Variants in FMN1 observed in about 807,000 individuals in gnomAD.
The protein encoded by FMN1 is formin-1.
In FMN1, 110 loss-of-function variants were observed where a neutral mutation model predicts 132.4. The ratio of observed to expected loss-of-function variants is 0.83; its 90% CI spans 0.71 to 0.97. The LOEUF (loss-of-function observed/expected upper bound fraction) is 0.97, where lower values mean the gene tolerates loss of function less well. FMN1 is among the 50% of genes least tolerant of loss of function. FMN1 has a pLI of 0.00. For synonymous variants in FMN1, 722 were observed against 651.7 expected (o/e 1.11, Z -1.64); for missense variants, 1,792 against 1,705.3 (o/e 1.05, Z -0.90).
intron 3 of FMN1, among the ~76,000 whole-genome samples, chr15:33,175,824 G>T (rs1435981419): frequency 1.3e-5 from 2 of 152,060 alleles, no homozygotes; most frequent in Admixed American, 1.3e-4. Flanking sequence ...TCAAATAAAG[G>T]GTTCTGCCCC....
At position 32,894,041 on chromosome 15, in the gene FMN1, A is replaced by G. The variant is rs148796028; in HGVS notation, c.3714+4793T>C. 9.2e-5 allele frequency among the ~76,000 whole-genome samples: 14 copies of G among 152,344 alleles called. No individual in the cohort carries two copies. In the East Asian group the frequency reaches 1.9e-3, roughly 21 times the overall value. On this transcript the variant is annotated intron_variant, in intron 15 of 20. Coordinates refer to ENST00000616417, the MANE Select transcript of FMN1 (RefSeq NM_001277313.2). Reference sequence around the variant, plus strand: ...CCGCTGCTGCTTCTTAATTTCCTGAAGCTAAACATGCCTTCCTCACTCCAC... The same window carrying G: ...CCGCTGCTGCTTCTTAATTTCCTGAGGCTAAACATGCCTTCCTCACTCCAC...
intron 4 of FMN1, chr15:33,105,806 A>C (rs190143276): frequency 7.3e-6 from 1 of 137,268 alleles, no homozygotes; most frequent in Non-Finnish European, 1.6e-5. Context: ...TTGTAATAGG[A>C]CAAGAAAAAA....
Position 32,772,420 on chromosome 15 carries a change from C to G in FMN1, c.*1890G>C, listed in dbSNP as rs2056278172. The G allele has an allele frequency of 6.6e-6, 1 of 152,198 alleles. No individual in the cohort carries two copies. The highest frequency in any genetic ancestry group is 2.4e-5 in the African/African-American group (1 of 41,438). 9.4% of individuals were successfully genotyped at this position (152,198 alleles called of 1,614,324 possible). ...GGCACTTTTCTTGTGCATGATAACA[C>G]TAGAAGGAGCATACAATGGTTATAA... On this transcript the variant is annotated 3_prime_UTR_variant, in exon 21 of 21. Coordinates refer to ENST00000616417, the MANE Select transcript of FMN1 (RefSeq NM_001277313.2).
intron 17 of FMN1, among the ~76,000 whole-genome samples, chr15:32,804,786 T>C (rs1275531179): frequency 6.6e-6 from 1 of 151,984 alleles, no homozygotes; most frequent in East Asian, 1.9e-4. Flanking sequence ...TTGTGATAGT[T>C]TGCTGAGAAT....
At chr15:33,071,310 T>C (rs2037990441) in intron 5 of FMN1, among the ~76,000 whole-genome samples, 1 of 152,188 alleles carries the variant, frequency 6.6e-6, no homozygotes, top group African/African-American at 2.4e-5. Flanking sequence ...AGCTGGCCTA[T>C]CTATCTAACA....
chr15:33,095,866 T>C (rs1413750967), intron 4 of FMN1, among the ~76,000 whole-genome samples: 2 of 151,904 alleles, frequency 1.3e-5, no homozygotes, highest in Admixed American at 6.6e-5. Context: ...GGAAGTAAAG[T>C]AGAGAAAAAA....
intron 4 of FMN1, among the ~76,000 whole-genome samples, chr15:33,106,572 C>T (rs1004161686): frequency 6.6e-6 from 1 of 152,068 alleles, no homozygotes; most frequent in African/African-American, 2.4e-5. Context: ...AGAAAACACT[C>T]TTTCCATCCA....
chr15:32,895,784 G>T (rs1235477386), intron 15 of FMN1, among the ~76,000 whole-genome samples: 1 of 151,660 alleles, frequency 6.6e-6, no homozygotes, highest in African/African-American at 2.4e-5. Flanking sequence ...CTATTATGTT[G>T]TAAACATTTT....
chr15:33,073,145 A>G (rs2038064257), intron 5 of FMN1, among the ~76,000 whole-genome samples: 2 of 152,122 alleles, frequency 1.3e-5, no homozygotes, highest in Non-Finnish European at 2.9e-5. Flanking sequence ...TCTTTGTAGC[A>G]CTTCTCGCTA....
chr15:32,994,445 C>T (rs1055748587), intron 7 of FMN1, among the ~76,000 whole-genome samples: 1 of 152,168 alleles, frequency 6.6e-6, no homozygotes, highest in African/African-American at 2.4e-5. Context: ...ACTCTTCAAA[C>T]CTCTGCTTAA....
At chr15:32,926,444 A>G (rs1169978415) in intron 9 of FMN1, among the ~76,000 whole-genome samples, 183 bp from the exon 10 acceptor site, 2 of 152,230 alleles carry the variant, frequency 1.3e-5, no homozygotes, top group African/African-American at 4.8e-5. Context: ...GACATCTTAC[A>G]CAATGACAGA....
chr15:32,789,464 C>T (rs1291546194), intron 19 of FMN1, among the ~76,000 whole-genome samples: 1 of 152,106 alleles, frequency 6.6e-6, no homozygotes, highest in African/African-American at 2.4e-5. Context: ...AAAGTAGAGT[C>T]ACACACTGCA....
chr15:32,787,048 C>G (rs549337313), intron 19 of FMN1, among the ~76,000 whole-genome samples: 1 of 152,226 alleles, frequency 6.6e-6, no homozygotes, highest in Non-Finnish European at 1.5e-5. Flanking sequence ...ATCTTGACAA[C>G]AGTCACTCAC....
chr15:32,964,258 C>A lies in FMN1; in HGVS notation c.2988-1G>T. ...CCATAAGGTTGGTGTAGCATTTTGG[C>A]TTAAAAGAGAAAATGACAAGTTAAC... On this transcript the variant is annotated splice_acceptor_variant, in intron 8 of 20. Coordinates refer to ENST00000616417, the MANE Select transcript of FMN1 (RefSeq NM_001277313.2). LOFTEE classifies it high-confidence loss of function. The A allele has an allele frequency of 6.4e-7, 1 of 1,559,992 alleles. No individual in the cohort carries two copies. The highest frequency in any genetic ancestry group is 8.7e-7 in the Non-Finnish European group (1 of 1,151,070).
chr15:32,972,899 T>C (rs1419036758), intron 7 of FMN1, among the ~76,000 whole-genome samples: 1 of 152,204 alleles, frequency 6.6e-6, no homozygotes, highest in South Asian at 2.1e-4. Flanking sequence ...GTTCCTCCTC[T>C]GAAATTCCTC....
At chr15:33,168,921 C>T (rs1298338875) in intron 3 of FMN1, among the ~76,000 whole-genome samples, 2 of 152,202 alleles carry the variant, frequency 1.3e-5, no homozygotes, top group Non-Finnish European at 2.9e-5. Context: ...AAAGTGGTGC[C>T]GCCTTGGGAT....
At chr15:33,018,328 G>T (rs2035192473) in intron 6 of FMN1, among the ~76,000 whole-genome samples, 2 of 152,056 alleles carry the variant, frequency 1.3e-5, no homozygotes, top group Admixed American at 1.3e-4. Context: ...GGTAGCTTCA[G>T]GATGGGGGCA....
chr15:33,080,554 A>C (rs1019410172), intron 5 of FMN1, among the ~76,000 whole-genome samples: 1 of 152,222 alleles, frequency 6.6e-6, no homozygotes, highest in African/African-American at 2.4e-5. Context: ...GGAGTTCAAG[A>C]CCAGCCTGGC....
intron 16 of FMN1, among the ~76,000 whole-genome samples, chr15:32,858,647 T>C (rs1380408731): frequency 6.6e-6 from 1 of 152,236 alleles, no homozygotes; most frequent in Non-Finnish European, 1.5e-5. Context: ...GGAAATCCTG[T>C]CCGTTGGGAG....
Sources: gnomAD v4.1 joint callset for allele counts (sites outside exome capture counted in the v4.1 genomes callset) on GRCh38, gnomAD v4.1.1 for gene constraint, MANE v1.5 for transcripts, NCBI Gene and HGNC (gene_info 2026-07-23, HGNC 2026-07-21) for gene names.